The following TDRD7 variants were observed in gnomAD, a reference collection of about 807,000 sequenced individuals.
TDRD7 encodes tudor domain containing 7, also known as tudor domain-containing protein 7.
In TDRD7, 47 loss-of-function variants were observed where a neutral mutation model predicts 109.8. The observed-to-expected ratio is 0.43, with a 90% CI of 0.34 to 0.55. The LOEUF (loss-of-function observed/expected upper bound fraction) is 0.55. TDRD7 is among the 20% of genes least tolerant of loss of function. The probability of loss-of-function intolerance (pLI) is 0.03; values close to 1 mark genes in which losing one functional copy is unlikely to be tolerated. For synonymous variants in TDRD7, 424 were observed against 457.3 expected (o/e 0.93, Z 0.93); for missense variants, 1,164 against 1,319.2 (o/e 0.88, Z 1.82).
intron 16 of TDRD7, among the ~76,000 whole-genome samples, chr9:97,494,046 C>T (rs1367637446): frequency 6.6e-6 from 1 of 151,920 alleles, no homozygotes; most frequent in African/African-American, 2.4e-5. Context: ...TCCTCCTCAT[C>T]TTACAAAGAT....
chr9:97,441,587 A>G (rs1587868262), intron 5 of TDRD7, 71 bp from the exon 6 acceptor site: 1 of 1,365,974 alleles, frequency 7.3e-7, no homozygotes, highest in Non-Finnish European at 1.0e-6. Context: ...TGAAGATGCA[A>G]ATATTAGGTA....
chr9:97,478,773 T>G, intron 13 of TDRD7, 200 bp downstream of exon 13: 1 of 682,142 alleles, frequency 1.5e-6, no homozygotes, highest in Non-Finnish European at 2.5e-6. Context: ...CATACTGTTG[T>G]TTGAGAAATG....
At chr9:97,476,611 G>A (rs1332186104) in intron 12 of TDRD7, among the ~76,000 whole-genome samples, 1 of 150,844 alleles carries the variant, frequency 6.6e-6, no homozygotes, top group Non-Finnish European at 1.5e-5. Flanking sequence ...AAAAACATTG[G>A]CTTGATTTTT....
intron 15 of TDRD7, 111 bp from the exon 16 acceptor site, chr9:97,487,061 A>G (rs889056529): frequency 3.3e-6 from 4 of 1,205,740 alleles, no homozygotes; most frequent in African/African-American, 3.1e-5. Context: ...TTAAATTTTG[A>G]TAAACATAAT....
At position 97,480,892 on chromosome 9, in the gene TDRD7, T is replaced by C; in HGVS notation, c.2366T>C (p.Leu789Pro). Reference sequence around the variant, plus strand: ...GGCATGTGGACACCAGATGCAGTGCTGTGGTTAAGAGATTCTGTTTTGAAT... The same window carrying C: ...GGCATGTGGACACCAGATGCAGTGCCGTGGTTAAGAGATTCTGTTTTGAAT... ...SIGMWTPDAV[L>P]WLRDSVLNCS... The change falls in exon 14 of 17, where the codon CTG becomes CCG. Residue 789 changes from leucine (L) to proline (P), a missense_variant. This residue lies in a region of TDRD7 where 233 missense variants were observed against 218.0 expected (regional missense o/e 1.07). Transcript: ENST00000355295. The C allele has an allele frequency of 6.2e-7, 1 of 1,614,150 alleles. No homozygotes were observed. Among genetic ancestry groups the C allele is most frequent in the Non-Finnish European group, 8.5e-7 (1 of 1,179,986 alleles).
intron 1 of TDRD7, among the ~76,000 whole-genome samples, chr9:97,428,080 T>G (rs1049998866): frequency 1.3e-5 from 2 of 152,120 alleles, no homozygotes; most frequent in African/African-American, 4.8e-5. Context: ...ACCATGTGCT[T>G]CTCTCTCACC....
intron 6 of TDRD7, among the ~76,000 whole-genome samples, chr9:97,451,384 G>T (rs1828489360): frequency 1.3e-5 from 2 of 152,070 alleles, no homozygotes; most frequent in African/African-American, 4.8e-5. Context: ...GGACATCCTG[G>T]GCTCAAGCAG....
Position 97,482,913 on chromosome 9 carries a change from C to G in TDRD7, c.2477C>G (p.Pro826Arg). The G allele has an allele frequency of 1.2e-6, 2 of 1,614,192 alleles. No individual in the cohort carries two copies. Among genetic ancestry groups the G allele is most frequent in the Non-Finnish European group, 1.7e-6 (2 of 1,180,030 alleles). ...TATTTATTTACCCCTAAGAACTTCC[C>G]TGACCCTCATCGCAGTATTAATCGC... ...HVYLFTPKNF[P>R]DPHRSINRQI... is the part of the protein sequence containing the mutation. The change falls in exon 15 of 17, where the codon CCT (proline) becomes CGT (arginine). Residue 826 changes from proline (P) to arginine (R), a missense_variant. By Grantham distance (103) the Pro-to-Arg change is moderately radical (BLOSUM62 -2). This residue lies in a region of TDRD7 where 233 missense variants were observed against 218.0 expected (regional missense o/e 1.07). Transcript: ENST00000355295.
At chr9:97,470,713 ATT>A in intron 9 of TDRD7, 44 bp downstream of exon 9, 1 of 1,411,414 alleles carries the variant, frequency 7.1e-7, no homozygotes, top group Non-Finnish European at 1.0e-6. Context: ...TCAATAGGCT[ATT>A]ACCACTGTAC....
intron 1 of TDRD7, among the ~76,000 whole-genome samples, chr9:97,420,367 G>T (rs1186345926): frequency 1.4e-5 from 2 of 143,018 alleles, no homozygotes; most frequent in Admixed American, 6.9e-5. Context: ...TTTTTTTTGG[G>T]GGGGGCGGGT....
At chr9:97,470,367 CT>C (rs1026213049) in intron 8 of TDRD7, among the ~76,000 whole-genome samples, 190 bp from the exon 9 acceptor site, 1 of 152,112 alleles carries the variant, frequency 6.6e-6, no homozygotes, top group African/African-American at 2.4e-5. Flanking sequence ...ACTAGGACCC[CT>C]GGTTTCCTTG....
chr9:97,445,017 A>G (rs1828375419), intron 6 of TDRD7, among the ~76,000 whole-genome samples: 1 of 152,184 alleles, frequency 6.6e-6, no homozygotes, highest in Non-Finnish European at 1.5e-5. Flanking sequence ...TCCAGTAGCA[A>G]AATGTGTACT....
At chr9:97,474,576 G>T (rs1828980488) in intron 11 of TDRD7, among the ~76,000 whole-genome samples, 1 of 152,172 alleles carries the variant, frequency 6.6e-6, no homozygotes, top group Non-Finnish European at 1.5e-5. Context: ...CGCATTCAAA[G>T]TACAGTCTGG....
At chr9:97,470,887 C>G (rs900455897) in intron 9 of TDRD7, among the ~76,000 whole-genome samples, 10 of 152,050 alleles carry the variant, frequency 6.6e-5, no homozygotes, top group African/African-American at 2.4e-4. Context: ...ATTATAATTT[C>G]TTATAAAAAT....
At chr9:97,435,608 C>G (rs558626965) in intron 4 of TDRD7, among the ~76,000 whole-genome samples, 69 of 148,398 alleles carry the variant, frequency 4.6e-4, no homozygotes, top group Non-Finnish European at 8.3e-4. Context: ...TGCACTCAAG[C>G]CTGGGTGACA....
intron 6 of TDRD7, among the ~76,000 whole-genome samples, chr9:97,446,029 G>A (rs1487519611): frequency 6.6e-6 from 1 of 152,118 alleles, no homozygotes; most frequent in Non-Finnish European, 1.5e-5. Context: ...CTGCTCAGGA[G>A]GCTGAGGTGG....
At chr9:97,460,048 G>A in intron 6 of TDRD7, 130 bp from the exon 7 acceptor site, 1 of 792,622 alleles carries the variant, frequency 1.3e-6, no homozygotes, top group Non-Finnish European at 2.1e-6. Context: ...CCTAGCAATT[G>A]AAAAGAGTAA....
At chr9:97,495,500 G>GA (rs1315851646) in intron 16 of TDRD7, among the ~76,000 whole-genome samples, 163 bp from the exon 17 acceptor site, 1 of 152,180 alleles carries the variant, frequency 6.6e-6, no homozygotes. Context: ...CTATAAGCTG[G>GA]AGTGTTTTAA....
rs118169238 is a variant in TDRD7 at position 97,451,921 on chromosome 9, T to G, written c.856-8257T>G. Among the ~76,000 whole-genome samples, 619 of 152,384 alleles carry G rather than the reference T, an allele frequency of 4.1e-3. 1 individual carries two copies. Among genetic ancestry groups the G allele is most frequent in the Non-Finnish European group, 6.5e-3 (443 of 68,040 alleles). On this transcript the variant is annotated intron_variant, in intron 6 of 16. Transcript: ENST00000355295. The stretch of plus-strand genomic sequence containing the variant: ...CACACAAGTCTTCTGTGTTGATGAT[T>G]GTTGTTGAATGAGAAAATAGGAAAA...
Sources: gnomAD v4.1 joint callset for allele counts (sites outside exome capture counted in the v4.1 genomes callset) on GRCh38, gnomAD v4.1.1 for gene constraint, gnomAD v4.1.1 regional missense constraint, MANE v1.5 for transcripts, NCBI Gene and HGNC (gene_info 2026-07-23, HGNC 2026-07-21) for gene names.